The following LRRC4C variants were observed in gnomAD, a reference collection of about 807,000 sequenced individuals.
The protein encoded by LRRC4C is leucine-rich repeat-containing protein 4C.
LRRC4C carries 5 observed loss-of-function variants against 33.6 expected under a neutral mutation model. The ratio of observed to expected loss-of-function variants is 0.15; its 90% CI spans 0.08 to 0.31. LRRC4C has a LOEUF of 0.31. Ranked by LOEUF, LRRC4C falls within the 10% of genes least tolerant of loss-of-function variation. The pLI is 1.00. For synonymous variants in LRRC4C, 329 were observed against 302.0 expected (o/e 1.09, Z -0.93); for missense variants, 560 against 796.7 (o/e 0.70, Z 3.58).
chr11:41,175,263 A>C (rs1367012220), intron 1 of LRRC4C, among the ~76,000 whole-genome samples: 1 of 152,146 alleles, frequency 6.6e-6, no homozygotes, highest in Non-Finnish European at 1.5e-5. Flanking sequence ...CACAGCAACC[A>C]ATATAGTCTA....
intron 3 of LRRC4C, among the ~76,000 whole-genome samples, chr11:40,542,856 T>G (rs1956778424): frequency 6.6e-6 from 1 of 152,232 alleles, no homozygotes; most frequent in South Asian, 2.1e-4. Context: ...TTTTATTGAC[T>G]GTTTTTGCTT....
At chr11:40,844,875 T>C (rs940638693) in intron 2 of LRRC4C, among the ~76,000 whole-genome samples, 3 of 152,146 alleles carry the variant, frequency 2.0e-5, no homozygotes, top group African/African-American at 7.2e-5. Context: ...ATGATAAGGA[T>C]ATGTGATAAT....
intron 1 of LRRC4C, among the ~76,000 whole-genome samples, chr11:40,965,351 G>C (rs555985213): frequency 6.6e-6 from 1 of 152,182 alleles, no homozygotes; most frequent in South Asian, 2.1e-4. Context: ...TTCTTTTGCT[G>C]TGCAGAAGCT....
intron 1 of LRRC4C, among the ~76,000 whole-genome samples, chr11:40,989,953 A>G (rs1164168234): frequency 1.3e-5 from 2 of 151,944 alleles, no homozygotes; most frequent in East Asian, 3.9e-4. Context: ...GTTAGGTATT[A>G]TAAATAATCT....
At chr11:40,219,748 G>C (rs903557782) in intron 5 of LRRC4C, among the ~76,000 whole-genome samples, 2 of 151,468 alleles carry the variant, frequency 1.3e-5, no homozygotes, top group African/African-American at 4.9e-5. Flanking sequence ...AATTGGGGGG[G>C]TGGATATAGA....
At chr11:41,361,286 T>C (rs1027253294) in intron 1 of LRRC4C, among the ~76,000 whole-genome samples, 2 of 152,206 alleles carry the variant, frequency 1.3e-5, no homozygotes, top group Non-Finnish European at 2.9e-5. Context: ...AATAGAAAAA[T>C]ATGTCAAATC....
chr11:40,586,398 T>C lies in LRRC4C; in HGVS notation c.-270+61744A>G, dbSNP rs1415734159. 6.8e-5 allele frequency among the ~76,000 whole-genome samples: 10 copies of C among 146,556 alleles called. No individual in the cohort carries two copies. In the East Asian group the frequency reaches 7.9e-4, roughly 12 times the overall value. On this transcript the variant is annotated intron_variant, in intron 3 of 6. Coordinates refer to ENST00000528697, the MANE Select transcript of LRRC4C (RefSeq NM_001258419.2). The stretch of plus-strand genomic sequence containing the variant: ...AGCCCTTTGTCAGATGAGTAGGTTG[T>C]GAAAATTTTCTCCCATTTTGTAGGT...
At chr11:40,397,164 C>A (rs1051983974) in intron 3 of LRRC4C, among the ~76,000 whole-genome samples, 6 of 152,076 alleles carry the variant, frequency 3.9e-5, no homozygotes, top group Non-Finnish European at 8.8e-5. Flanking sequence ...GGTGTGAAAT[C>A]ATCCCCTACC....
At chr11:40,174,256 C>T (rs969170103) in intron 5 of LRRC4C, among the ~76,000 whole-genome samples, 3 of 152,190 alleles carry the variant, frequency 2.0e-5, no homozygotes, top group African/African-American at 7.2e-5. Flanking sequence ...GAATACACAT[C>T]TCAAATCAAT....
intron 2 of LRRC4C, among the ~76,000 whole-genome samples, chr11:40,732,968 A>G (rs979947725): frequency 2.0e-5 from 3 of 151,622 alleles, no homozygotes; most frequent in African/African-American, 7.3e-5. Context: ...GGACTGTAAC[A>G]TAACTACTTG....
intron 5 of LRRC4C, among the ~76,000 whole-genome samples, chr11:40,199,072 G>T (rs1428194023): frequency 6.6e-6 from 1 of 152,050 alleles, no homozygotes; most frequent in African/African-American, 2.4e-5. Flanking sequence ...TTATTTATTT[G>T]TTTGTTTATT....
chr11:41,428,141 G>C (rs993551489), intron 1 of LRRC4C, among the ~76,000 whole-genome samples: 1 of 152,158 alleles, frequency 6.6e-6, no homozygotes, highest in African/African-American at 2.4e-5. Context: ...GTGAGAAAGA[G>C]AGCAGAGGAG....
At chr11:41,068,883 C>A (rs1938466838) in intron 1 of LRRC4C, among the ~76,000 whole-genome samples, 1 of 152,046 alleles carries the variant, frequency 6.6e-6, no homozygotes, top group Admixed American at 6.5e-5. Flanking sequence ...CTATTTGAAA[C>A]AACTGAAAAA....
intron 2 of LRRC4C, among the ~76,000 whole-genome samples, chr11:40,899,726 TC>T (rs1295481565): frequency 1.3e-5 from 2 of 152,128 alleles, no homozygotes; most frequent in African/African-American, 4.8e-5. Flanking sequence ...ATTAGTGTAG[TC>T]CTATTCTTAG....
intron 1 of LRRC4C, among the ~76,000 whole-genome samples, chr11:41,101,003 T>A (rs79654260): frequency 0.02 from 3,104 of 152,046 alleles, 113 homozygotes; most frequent in African/African-American, 0.071. Flanking sequence ...AAAAGTCAAC[T>A]CAAGATGGAT....
intron 5 of LRRC4C, among the ~76,000 whole-genome samples, chr11:40,161,432 A>T (rs1045101717): frequency 6.6e-6 from 1 of 152,228 alleles, no homozygotes; most frequent in African/African-American, 2.4e-5. Context: ...ATAGCTCATG[A>T]AAGAAAAATA....
In LRRC4C at chr11:41,239,240, T is replaced by C. The variant is rs1429774394; in HGVS notation, c.-496+220191A>G. The stretch of plus-strand genomic sequence containing the variant: ...GGGAGGCTGAGGCAGGAGAATGGCA[T>C]GAACCCAAGAGGCGGAGCTTGCAGT... On this transcript the variant is annotated intron_variant, in intron 1 of 6. Transcript: ENST00000528697. 4.5e-5 allele frequency among the ~76,000 whole-genome samples: 6 copies of C among 134,676 alleles called. No individual in the cohort carries two copies. In the East Asian group the frequency reaches 1.1e-3, roughly 26 times the overall value. 88.4% of individuals were successfully genotyped at this position (134,676 alleles called of 152,430 possible).
chr11:40,127,007 T>C (rs140926892), intron 6 of LRRC4C, among the ~76,000 whole-genome samples: 9,771 of 151,498 alleles, frequency 0.064, 414 homozygotes, highest in Non-Finnish European at 0.09. Context: ...GGGCCAGGTG[T>C]AGTGGCTCAC....
intron 1 of LRRC4C, among the ~76,000 whole-genome samples, chr11:41,113,410 T>A (rs1287925535): frequency 6.6e-6 from 1 of 152,106 alleles, no homozygotes; most frequent in African/African-American, 2.4e-5. Context: ...AAGCAGCATG[T>A]GTTCTGTCAT....
Sources: gnomAD v4.1 joint callset for allele counts (sites outside exome capture counted in the v4.1 genomes callset) on GRCh38, gnomAD v4.1.1 for gene constraint, MANE v1.5 for transcripts, NCBI Gene and HGNC (gene_info 2026-07-23, HGNC 2026-07-21) for gene names.